XIRP2: variants seen among roughly 807,000 people sequenced by gnomAD.
The protein encoded by XIRP2 is xin actin-binding repeat-containing protein 2.
Under a neutral mutation model 277.0 loss-of-function variants are expected in XIRP2, and 236 were observed. That is an observed-to-expected ratio of 0.85 (90% confidence interval 0.77 to 0.95). XIRP2 has a LOEUF of 0.95. Ranked by LOEUF, XIRP2 falls within the 40% of genes least tolerant of loss-of-function variation. The pLI is 0.00. For missense variants in XIRP2, 4,640 were observed against 4,157.5 expected (o/e 1.12, Z -3.19); for synonymous variants, 1,490 against 1,416.5 (o/e 1.05, Z -1.17).
At chr2:166,958,554 C>G (rs918396555) in intron 2 of XIRP2, among the ~76,000 whole-genome samples, 5 of 151,558 alleles carry the variant, frequency 3.3e-5, no homozygotes, top group African/African-American at 1.2e-4. Flanking sequence ...GGATGAATTG[C>G]AAAATTATTT....
chr2:166,963,663 A>G (rs1005721088), intron 2 of XIRP2, among the ~76,000 whole-genome samples: 3 of 151,832 alleles, frequency 2.0e-5, no homozygotes, highest in Non-Finnish European at 2.9e-5. Context: ...ACACAAAGGC[A>G]GATGTGAGAT....
chr2:166,902,417 C>G (rs553259224), intron 1 of XIRP2, among the ~76,000 whole-genome samples: 76 of 152,076 alleles, frequency 5.0e-4, no homozygotes, highest in African/African-American at 1.7e-3. Context: ...TGTTAGGTGA[C>G]CTTCTGAGAC....
chr2:167,075,850 G>A (rs564676546), intron 2 of XIRP2, among the ~76,000 whole-genome samples: 2 of 147,992 alleles, frequency 1.4e-5, no homozygotes, highest in East Asian at 2.0e-4. Context: ...ATGGGGTTTC[G>A]CCATGTTGGC....
intron 2 of XIRP2, among the ~76,000 whole-genome samples, chr2:167,058,831 C>G (rs1025342790): frequency 1.3e-5 from 2 of 152,114 alleles, no homozygotes. Context: ...ACAGGTGTGA[C>G]TTGTGGGAAT....
intron 2 of XIRP2, among the ~76,000 whole-genome samples, chr2:166,953,491 G>A (rs1007846670): frequency 6.6e-6 from 1 of 151,948 alleles, no homozygotes; most frequent in African/African-American, 2.4e-5. Flanking sequence ...TTCATAAGCA[G>A]CATGAGAACA....
At chr2:166,964,031 T>A (rs1686364868) in intron 2 of XIRP2, among the ~76,000 whole-genome samples, 1 of 151,480 alleles carries the variant, frequency 6.6e-6, no homozygotes, top group Non-Finnish European at 1.5e-5. Flanking sequence ...CTTAAAGGAC[T>A]TGGGGATGAA....
At chr2:166,904,230 A>G (rs1404699318) in intron 2 of XIRP2, among the ~76,000 whole-genome samples, 1 of 152,164 alleles carries the variant, frequency 6.6e-6, no homozygotes, top group Admixed American at 6.6e-5. Context: ...CAAACATTTA[A>G]CAAATGGTGT....
At chr2:167,206,107 A>G (rs1693845618) in intron 3 of XIRP2, among the ~76,000 whole-genome samples, 1 of 152,122 alleles carries the variant, frequency 6.6e-6, no homozygotes, top group Non-Finnish European at 1.5e-5. Flanking sequence ...TACTACAGAC[A>G]CTCTTCATGT....
At chr2:167,097,140 T>G (rs1690344210) in intron 2 of XIRP2, among the ~76,000 whole-genome samples, 1 of 152,144 alleles carries the variant, frequency 6.6e-6, no homozygotes, top group Admixed American at 6.5e-5. Flanking sequence ...ATATTGACAG[T>G]GGGGTGTTAA....
Position 167,251,057 on chromosome 2 carries a change from G to A in XIRP2, c.9665G>A (p.Arg3222His). ...SEIIMSPATL[R>H]RQIKIETRGR... The stretch of plus-strand genomic sequence containing the variant: ...ATCATCATGTCTCCTGCAACACTTC[G>A]TCGTCAAATTAAGATAGAAACTCGT... Residue 3222 changes from arginine (R) to histidine (H), a missense_variant, in exon 9 of 11, where the codon CGT becomes CAT. Physicochemically the swap from Arg to His is conservative, Grantham distance 29 (BLOSUM62 0). Transcript: ENST00000409195. 9 of 1,613,582 alleles carry A rather than the reference G, an allele frequency of 5.6e-6. No individual in the cohort carries two copies. Among genetic ancestry groups the A allele is most frequent in the East Asian group, 2.2e-5 (1 of 44,834 alleles).
At chr2:167,066,185 G>T (rs1689299546) in intron 2 of XIRP2, among the ~76,000 whole-genome samples, 1 of 151,934 alleles carries the variant, frequency 6.6e-6, no homozygotes, top group African/African-American at 2.4e-5. Flanking sequence ...CTATAATTTA[G>T]TATGTGGATT....
chr2:167,124,906 T>C (rs1691155848), intron 2 of XIRP2, among the ~76,000 whole-genome samples: 1 of 152,108 alleles, frequency 6.6e-6, no homozygotes, highest in African/African-American at 2.4e-5. Context: ...GCCAGAAGGA[T>C]GGCCCAGATC....
chr2:166,907,866 T>C (rs1684571994), intron 2 of XIRP2, among the ~76,000 whole-genome samples: 1 of 150,404 alleles, frequency 6.6e-6, no homozygotes, highest in Non-Finnish European at 1.5e-5. Flanking sequence ...CATGCAGTGT[T>C]TGGTTTTTTG....
intron 3 of XIRP2, among the ~76,000 whole-genome samples, chr2:167,162,693 G>A (rs1003450561): frequency 3.9e-5 from 6 of 152,184 alleles, no homozygotes; most frequent in Non-Finnish European, 7.4e-5. Flanking sequence ...TGATATTTTC[G>A]TATATTTTTA....
chr2:167,155,479 G>A (rs1420932070), intron 3 of XIRP2, among the ~76,000 whole-genome samples: 1 of 151,876 alleles, frequency 6.6e-6, no homozygotes, highest in East Asian at 1.9e-4. Flanking sequence ...CATATAAACA[G>A]AACCAAAGAC....
chr2:166,983,935 T>C (rs1686935662), intron 2 of XIRP2, among the ~76,000 whole-genome samples: 1 of 152,194 alleles, frequency 6.6e-6, no homozygotes, highest in Admixed American at 6.5e-5. Context: ...GAAACTCTCC[T>C]TCTTTGCTAG....
Position 167,247,547 on chromosome 2 carries a change from A to G in XIRP2, c.6155A>G (p.Lys2052Arg). 1 of 1,613,686 alleles carries G rather than the reference A, an allele frequency of 6.2e-7. No homozygotes were observed. The highest frequency in any genetic ancestry group is 2.2e-5 in the East Asian group (1 of 44,834). The part of the protein sequence containing the change: ...SLRRLSNSHH[K>R]SNVLESGDKT... ...AGAAGACTATCTAATTCACACCATA[A>G]ATCTAATGTTTTGGAATCAGGAGAC... is the stretch of plus-strand genomic sequence containing the variant. The change falls in exon 9 of 11, where the codon AAA becomes AGA. Residue 2052 changes from lysine to arginine, a missense_variant. Lys to Arg is a conservative substitution (Grantham distance 26, BLOSUM62 2). Transcript: ENST00000409195.
intron 3 of XIRP2, among the ~76,000 whole-genome samples, chr2:167,148,027 T>A (rs1412320379): frequency 6.6e-6 from 1 of 151,962 alleles, no homozygotes; most frequent in East Asian, 1.9e-4. Context: ...AAAATACAAA[T>A]AGAGTGATAA....
intron 2 of XIRP2, among the ~76,000 whole-genome samples, chr2:167,042,509 T>C (rs184537380): frequency 1.3e-5 from 2 of 151,902 alleles, no homozygotes; most frequent in East Asian, 1.9e-4. Flanking sequence ...ATCAAGAAAA[T>C]AGAAAATGAA....
Sources: gnomAD v4.1 joint callset for allele counts (sites outside exome capture counted in the v4.1 genomes callset) on GRCh38, gnomAD v4.1.1 for gene constraint, MANE v1.5 for transcripts, NCBI Gene and HGNC (gene_info 2026-07-23, HGNC 2026-07-21) for gene names.